ARSA: variants seen among roughly 807,000 people sequenced by gnomAD.
ARSA encodes arylsulfatase A, also known as cerebroside-sulfatase.
A neutral mutation model predicts 37.8 loss-of-function variants in ARSA; 32 were observed. That is an observed-to-expected ratio of 0.85 (90% confidence interval 0.64 to 1.14). ARSA has a LOEUF of 1.14. Among genes scored for constraint, ARSA ranks in the 50% most tolerant of loss-of-function variants. ARSA has a pLI of 0.00. For synonymous variants in ARSA, 303 were observed against 303.4 expected (o/e 1.00, Z 0.01); for missense variants, 685 against 686.3 (o/e 1.00, Z 0.02).
In ARSA at chr22:50,623,253, A is replaced by AG. The variant is rs2082614588; in HGVS notation, c.*1891dup. 6.6e-6 allele frequency: 1 copy of AG among 152,296 alleles called. No individual in the cohort carries two copies. The highest frequency in any genetic ancestry group is 1.5e-5 in the Non-Finnish European group (1 of 68,108). The allele number at this position is 152,296 out of a possible 1,614,324, so 9.4% of individuals were successfully genotyped here. On this transcript the variant is annotated 3_prime_UTR_variant, in exon 8 of 8. Transcript: ENST00000216124. Reference sequence around the variant, plus strand: ...GTGCTCAGACAGTCCCTCCCTGCAGAGGAGGCCAACAATGGAGGCAGAGCG... The same window carrying AG: ...GTGCTCAGACAGTCCCTCCCTGCAGAGGGAGGCCAACAATGGAGGCAGAGCG...
Position 50,625,574 on chromosome 22 carries a change from G to T in ARSA, c.1210+5C>A. The T allele has an allele frequency of 1.2e-6, 2 of 1,613,126 alleles. No individual in the cohort carries two copies. The highest frequency in any genetic ancestry group is 2.2e-5 in the East Asian group (1 of 44,874). Reference sequence around the variant, plus strand: ...CGGGGGGAGGGATCCACGGGGAGGGGTTACCCTGGGTGAAGAAGTGAGCCT... The same window carrying T: ...CGGGGGGAGGGATCCACGGGGAGGGTTTACCCTGGGTGAAGAAGTGAGCCT... On this transcript the variant is annotated splice_donor_5th_base_variant and intron_variant, in intron 7 of 7. Transcript: ENST00000216124.
In ARSA at chr22:50,628,152, C is replaced by G. The variant is rs1430998440; in HGVS notation, c.-373G>C. ...TACCGGGCTGCGGGCGCTTCCGCCT[C>G]GGCCCCGCCCCGTGACCTGTGACCC... On this transcript the variant is annotated 5_prime_UTR_variant, in exon 1 of 8. Coordinates refer to ENST00000216124, the MANE Select transcript of ARSA (RefSeq NM_000487.6). The G allele has an allele frequency of 1.8e-5, 3 of 168,940 alleles. No homozygotes were observed. The highest frequency in any genetic ancestry group is 7.4e-5 in the African/African-American group (3 of 40,416). The allele number at this position is 168,940 out of a possible 1,614,324, so 10.5% of individuals were successfully genotyped here. A position where few individuals can be genotyped will look rare whatever the true frequency, so the allele number is the denominator to read the frequency against.
At position 50,627,633 on chromosome 22, in the gene ARSA, G is replaced by T; in HGVS notation, c.147C>A (p.Pro49=). The change falls in exon 1 of 8, where the codon CCC becomes CCA. Residue 49 remains proline, a synonymous_variant. Coordinates refer to ENST00000216124, the MANE Select transcript of ARSA (RefSeq NM_000487.6). ...GCYGHPSSTT[P]NLDQLAAGGL... ...CTCCCGCCGCCAGCTGGTCCAGGTTGGGAGTGGTAGAGCTGGGGTGCCCAT... is the reference window on the plus strand; with the variant it reads ...CTCCCGCCGCCAGCTGGTCCAGGTTTGGAGTGGTAGAGCTGGGGTGCCCAT... 6.4e-7 allele frequency: 1 copy of T among 1,561,366 alleles called. No individual in the cohort carries two copies. The highest frequency in any genetic ancestry group is 2.4e-5 in the East Asian group (1 of 42,050).
rs779471096 is a variant in ARSA at position 50,627,304 on chromosome 22, C to T, written c.327G>A (p.Val109=). The change falls in exon 2 of 8, where the codon GTG becomes GTA. Residue 109 remains valine (V), a synonymous_variant. Coordinates refer to ENST00000216124, the MANE Select transcript of ARSA (RefSeq NM_000487.6). ...AGCCTCGGGCAGCCAGGACTTCGGC[C>T]ACGGTCACCTCCTCCAGGGGCAGGC... ...RGGLPLEEVT[V]AEVLAARGYL... 1.9e-6 allele frequency: 3 copies of T among 1,588,016 alleles called. No homozygotes were observed. Among genetic ancestry groups the T allele is most frequent in the Non-Finnish European group, 1.7e-6 (2 of 1,168,214 alleles).
intron 4 of ARSA, 150 bp from the exon 5 acceptor site, chr22:50,626,428 C>A: frequency 6.7e-7 from 1 of 1,486,686 alleles, no homozygotes; most frequent in South Asian, 1.2e-5. Flanking sequence ...GACCAGCTCT[C>A]TGTGCACTGT....
At position 50,627,734 on chromosome 22, in the gene ARSA, C is replaced by T; in HGVS notation, c.46G>A (p.Gly16Ser). 1 of 1,552,234 alleles carries T rather than the reference C, an allele frequency of 6.4e-7. No homozygotes were observed. Among genetic ancestry groups the T allele is most frequent in the Non-Finnish European group, 8.7e-7 (1 of 1,148,096 alleles). Residue 16 changes from glycine to serine, a missense_variant, in exon 1 of 8, where the codon GGC becomes AGC. Transcript: ENST00000216124. ...PRSLLLALAA[G>S]LAVARPPNIV... ...TTGGGCGGACGGGCAACGGCCAGGCCAGCAGCCAGGGCCAGGAGGAGGGAC... is the reference window on the plus strand; with the variant it reads ...TTGGGCGGACGGGCAACGGCCAGGCTAGCAGCCAGGGCCAGGAGGAGGGAC...
At position 50,625,603 on chromosome 22, in the gene ARSA, A is replaced by G. The variant is rs2082651156; in HGVS notation, c.1186T>C (p.Tyr396His). 2.5e-6 allele frequency: 4 copies of G among 1,613,424 alleles called. No homozygotes were observed. The highest frequency in any genetic ancestry group is 3.4e-6 in the Non-Finnish European group (4 of 1,179,934). Residue 396 changes from tyrosine (Y) to histidine (H), a missense_variant, in exon 7 of 8, where the codon TAC becomes CAC. Tyr to His is a moderately conservative substitution (Grantham distance 83). Transcript: ENST00000216124. ...RGVFAVRTGK[Y>H]KAHFFTQGSA... is the part of the protein sequence containing the mutation. ...CCCTGGGTGAAGAAGTGAGCCTTGTACTTTCCAGTCCGCACAGCAAAAACC... is the reference window on the plus strand; with the variant it reads ...CCCTGGGTGAAGAAGTGAGCCTTGTGCTTTCCAGTCCGCACAGCAAAAACC...
At position 50,625,150 on chromosome 22, in the gene ARSA, C is replaced by G; in HGVS notation, c.1525G>C (p.Ala509Pro). Residue 509 changes from alanine to proline, a missense_variant, in exon 8 of 8, where the codon GCC becomes CCC. Physicochemically the swap from Ala to Pro is conservative, Grantham distance 27 (BLOSUM62 -1). Transcript: ENST00000216124. ...PACCHCPDPH[A>P] ...CCAGGCCAGCCGAGGGGCCCTCAGG[C>G]ATGGGGATCTGGGCAATGGCAGCAA... is the stretch of plus-strand genomic sequence containing the variant. The G allele has an allele frequency of 6.4e-7, 1 of 1,568,292 alleles. No homozygotes were observed. Among genetic ancestry groups the G allele is most frequent in the Non-Finnish European group, 8.6e-7 (1 of 1,158,462 alleles).
rs1220454918 is a variant in ARSA, at chr22:50,626,019, G to A, written c.1024C>T (p.Leu342=). ...LASSLDLLPT[L]AALAGAPLPN... is the part of the protein sequence containing the mutation. ...AGTGGGGCCCCAGCCAGGGCTGCCA[G>A]GGTAGGCAGCAGGTCCAGGGAGCTG... The change falls in exon 6 of 8, where the codon CTG becomes TTG. Residue 342 remains leucine, a synonymous_variant. Coordinates refer to ENST00000216124, the MANE Select transcript of ARSA (RefSeq NM_000487.6). 1 of 1,583,582 alleles carries A rather than the reference G, an allele frequency of 6.3e-7. No individual in the cohort carries two copies. The highest frequency in any genetic ancestry group is 8.6e-7 in the Non-Finnish European group (1 of 1,166,638).
chr22:50,625,956 G>A lies in ARSA; in HGVS notation c.1087C>T (p.Leu363=), dbSNP rs2082657688. ...VTLDGFDLSP[L]LLGTGKSPRQ... ...CCTACCTTGCCTGTGCCCAGCAGCA[G>A]GGGGCTGAGGTCAAAGCCATCCAAG... Residue 363 remains leucine, a synonymous_variant, in exon 6 of 8, where the codon CTG becomes TTG. Coordinates refer to ENST00000216124, the MANE Select transcript of ARSA (RefSeq NM_000487.6). 1.3e-6 allele frequency: 2 copies of A among 1,573,008 alleles called. No individual in the cohort carries two copies. Among genetic ancestry groups the A allele is most frequent in the Non-Finnish European group, 8.6e-7 (1 of 1,159,818 alleles).
At position 50,624,964 on chromosome 22, in the gene ARSA, T is replaced by TCGTA. The variant is rs2082637692; in HGVS notation, c.*177_*180dup. 1.4e-6 allele frequency: 1 copy of TCGTA among 733,594 alleles called. No homozygotes were observed. Among genetic ancestry groups the TCGTA allele is most frequent in the Non-Finnish European group, 2.1e-6 (1 of 469,822 alleles). The allele number at this position is 733,594 out of a possible 1,614,324, so 45.4% of individuals were successfully genotyped here. A position where few individuals can be genotyped will look rare whatever the true frequency, so the allele number is the denominator to read the frequency against. ...CCTCTCTGCACCTCAGTTTCCTCAT[T>TCGTA]CGTACCACAGGGGACCGGCACCAGC... is the stretch of plus-strand genomic sequence containing the variant. On this transcript the variant is annotated 3_prime_UTR_variant, in exon 8 of 8. Coordinates refer to ENST00000216124, the MANE Select transcript of ARSA (RefSeq NM_000487.6).
rs765934724 is a variant in ARSA, at chr22:50,626,722, T to C, written c.723A>G (p.Ala241=). The C allele has an allele frequency of 6.2e-7, 1 of 1,614,068 alleles. No homozygotes were observed. Among genetic ancestry groups the C allele is most frequent in the South Asian group, 1.1e-5 (1 of 91,084 alleles). Residue 241 remains alanine (A), a synonymous_variant, in exon 4 of 8, where the codon GCA becomes GCG. Transcript: ENST00000216124. ...HYPQFSGQSF[A]ERSGRGPFGD... ...CAAATGGCCCGCGGCCTGAACGCTC[T>C]GCAAAGCTCTGCCCACTGAACTGAG...
In ARSA at chr22:50,624,483, G is replaced by C. The variant is rs1218372535; in HGVS notation, c.*662C>G. ...GGGCACAGGTGAAATGCAGAGGCCT[G>C]GGAGGGTGGAGGGGCCCCAGAGGAG... On this transcript the variant is annotated 3_prime_UTR_variant, in exon 8 of 8. Coordinates refer to ENST00000216124, the MANE Select transcript of ARSA (RefSeq NM_000487.6). Among the ~76,000 whole-genome samples the C allele has an allele frequency of 6.6e-6, 1 of 152,166 alleles. No individual in the cohort carries two copies. Among genetic ancestry groups the C allele is most frequent in the Non-Finnish European group, 1.5e-5 (1 of 68,030 alleles).
At chr22:50,627,440 C>G (rs1159547672) in intron 1 of ARSA, 34 bp from the exon 2 acceptor site, 2 of 1,607,620 alleles carry the variant, frequency 1.2e-6, no homozygotes, top group South Asian at 1.1e-5. Context: ...CTGAGACAGA[C>G]AGAAATGTGG....
Position 50,627,325 on chromosome 22 carries a change from C to T in ARSA, c.306G>A (p.Leu102=), listed in dbSNP as rs768799536. The change falls in exon 2 of 8, where the codon CTG becomes CTA. Residue 102 remains leucine, a synonymous_variant. Coordinates refer to ENST00000216124, the MANE Select transcript of ARSA (RefSeq NM_000487.6). ...GVLVPSSRGG[L]PLEEVTVAEV... is the part of the protein sequence containing the mutation. ...CGGCCACGGTCACCTCCTCCAGGGGCAGGCCCCCCCGGGAGCTGGGCACCA... is the reference window on the plus strand; with the variant it reads ...CGGCCACGGTCACCTCCTCCAGGGGTAGGCCCCCCCGGGAGCTGGGCACCA... 3 of 1,589,228 alleles carry T rather than the reference C, an allele frequency of 1.9e-6. No individual in the cohort carries two copies. The highest frequency in any genetic ancestry group is 2.3e-5 in the East Asian group (1 of 43,840).
At chr22:50,625,806 G>A in intron 6 of ARSA, 125 bp from the exon 7 acceptor site, 1 of 1,543,120 alleles carries the variant, frequency 6.5e-7, no homozygotes, top group Non-Finnish European at 8.8e-7. Flanking sequence ...AACCTGAGAG[G>A]TGGCGCCACT....
chr22:50,627,930 C>T lies in ARSA; in HGVS notation c.-151G>A, dbSNP rs2082705300. ...GCCGCCTCCTGAAGCTCCAGAGGGC[C>T]GGGGCCCGACAGTACCGGGAGACCG... On this transcript the variant is annotated 5_prime_UTR_variant, in exon 1 of 8. Coordinates refer to ENST00000216124, the MANE Select transcript of ARSA (RefSeq NM_000487.6). 1 of 748,826 alleles carries T rather than the reference C, an allele frequency of 1.3e-6. No individual in the cohort carries two copies. The highest frequency in any genetic ancestry group is 2.8e-5 in the Admixed American group (1 of 35,872). 46.4% of individuals were successfully genotyped at this position (748,826 alleles called of 1,614,324 possible). A position where few individuals can be genotyped will look rare whatever the true frequency, so the allele number is the denominator to read the frequency against.
rs531577148 is a variant in ARSA at position 50,624,180 on chromosome 22, T to G, written c.*965A>C. ...ACCGCCTCCCAGGTTCAAGTGATTC[T>G]CCAGCCTCAGACTCCCAAGTAGCTG... On this transcript the variant is annotated 3_prime_UTR_variant, in exon 8 of 8. Transcript: ENST00000216124. 4.9e-4 allele frequency among the ~76,000 whole-genome samples: 74 copies of G among 152,202 alleles called. 1 individual carries two copies. Among genetic ancestry groups the G allele is most frequent in the African/African-American group, 1.8e-3 (74 of 41,546 alleles).
chr22:50,627,812 G>A lies in ARSA; in HGVS notation c.-33C>T, dbSNP rs1184613352. The A allele has an allele frequency of 5.9e-6, 9 of 1,522,188 alleles. No homozygotes were observed. Among genetic ancestry groups the A allele is most frequent in the African/African-American group, 2.8e-5 (2 of 72,606 alleles). 94.3% of individuals were successfully genotyped at this position (1,522,188 alleles called of 1,614,324 possible). A position where few individuals can be genotyped will look rare whatever the true frequency, so the allele number is the denominator to read the frequency against. On this transcript the variant is annotated 5_prime_UTR_variant, in exon 1 of 8. Transcript: ENST00000216124. ...AGGGGTCTGTCCCAAGAGAGGGAGGGCTACTTGGCTCCAGCAGGCTCTTTC... is the reference window on the plus strand; with the variant it reads ...AGGGGTCTGTCCCAAGAGAGGGAGGACTACTTGGCTCCAGCAGGCTCTTTC...
Sources: allele counts gnomAD v4.1 joint callset (sites outside exome capture counted in the v4.1 genomes callset), GRCh38; gene constraint gnomAD v4.1.1; transcripts MANE v1.5; gene names NCBI Gene and HGNC (gene_info 2026-07-23, HGNC 2026-07-21).